Variants in ANKRD44 observed in about 807,000 individuals in gnomAD.
ANKRD44 encodes the protein serine/threonine-protein phosphatase 6 regulatory ankyrin repeat subunit B.
ANKRD44 carries 35 observed loss-of-function variants against 116.0 expected under a neutral mutation model. The ratio of observed to expected loss-of-function variants is 0.30; its 90% CI spans 0.23 to 0.40. ANKRD44 has a LOEUF of 0.40. ANKRD44 is among the 10% of genes least tolerant of loss of function. ANKRD44 has a pLI of 1.00. For missense variants in ANKRD44, 1,014 were observed against 1,242.6 expected (o/e 0.82, Z 2.77); for synonymous variants, 435 against 461.8 (o/e 0.94, Z 0.74).
intron 6 of ANKRD44, among the ~76,000 whole-genome samples, chr2:197,123,900 C>T (rs1053717839): frequency 2.0e-5 from 3 of 152,054 alleles, no homozygotes; most frequent in African/African-American, 7.2e-5. Flanking sequence ...AGCTATTTGC[C>T]CTGGTTTTGC....
At chr2:197,090,494 CT>C (rs372830692) in intron 10 of ANKRD44, among the ~76,000 whole-genome samples, 20,627 of 137,916 alleles carry the variant, frequency 0.15, 1,357 homozygotes, top group Non-Finnish European at 0.19. Context: ...TTTCTTTTCA[CT>C]TTTTTTTTTT....
chr2:197,077,464 C>T (rs529315049), intron 16 of ANKRD44, among the ~76,000 whole-genome samples: 4 of 152,238 alleles, frequency 2.6e-5, no homozygotes, highest in Non-Finnish European at 5.9e-5. Context: ...ATTTGTGGTT[C>T]CACTCCTAGG....
intron 25 of ANKRD44, among the ~76,000 whole-genome samples, chr2:196,997,274 T>C (rs2076029943): frequency 6.6e-6 from 1 of 151,978 alleles, no homozygotes; most frequent in Non-Finnish European, 1.5e-5. Context: ...AGGAGATGGG[T>C]TGAATAAAAG....
Position 196,987,955 on chromosome 2 carries a change from G to T in ANKRD44, c.*1636C>A. The stretch of plus-strand genomic sequence containing the variant: ...TTCTTTAAAAAAATTTTGCCTTGGG[G>T]TATGGGAGAAAGAGAAAGAGAGGAA... On this transcript the variant is annotated 3_prime_UTR_variant, in exon 28 of 28. Transcript: ENST00000282272. 2 of 985,260 alleles carry T rather than the reference G, an allele frequency of 2.0e-6. No individual in the cohort carries two copies. Among genetic ancestry groups the T allele is most frequent in the East Asian group, 2.3e-4 (2 of 8,810 alleles). 61.0% of individuals were successfully genotyped at this position (985,260 alleles called of 1,614,324 possible). A position where few individuals can be genotyped will look rare whatever the true frequency, so the allele number is the denominator to read the frequency against.
intron 20 of ANKRD44, 152 bp from the exon 21 acceptor site, chr2:197,006,062 G>A (rs2125908882): frequency 1.5e-6 from 1 of 674,820 alleles, no homozygotes; most frequent in Non-Finnish European, 2.5e-6. Context: ...CAGAAGGCAG[G>A]ACAACCTCAG....
At chr2:197,012,610 G>A (rs2076320055) in intron 18 of ANKRD44, among the ~76,000 whole-genome samples, 1 of 151,300 alleles carries the variant, frequency 6.6e-6, no homozygotes, top group African/African-American at 2.4e-5. Context: ...TTCAACCTCT[G>A]TATTGTTTTT....
At chr2:197,026,496 C>A (rs1022990609) in intron 16 of ANKRD44, among the ~76,000 whole-genome samples, 4 of 152,192 alleles carry the variant, frequency 2.6e-5, no homozygotes, top group African/African-American at 9.7e-5. Flanking sequence ...GGGCCAACAG[C>A]TGCCAAGACC....
chr2:197,010,837 T>C (rs1486599947), intron 18 of ANKRD44, among the ~76,000 whole-genome samples: 1 of 152,240 alleles, frequency 6.6e-6, no homozygotes, highest in African/African-American at 2.4e-5. Flanking sequence ...TCCTAAGAGC[T>C]GCATTTTACA....
At chr2:197,179,347 C>T (rs2080447957) in intron 2 of ANKRD44, among the ~76,000 whole-genome samples, 1 of 152,188 alleles carries the variant, frequency 6.6e-6, no homozygotes, top group Non-Finnish European at 1.5e-5. Flanking sequence ...ACTCCTACCA[C>T]CAAATCGCCC....
intron 18 of ANKRD44, among the ~76,000 whole-genome samples, 191 bp downstream of exon 18, chr2:197,013,320 T>A (rs1316137141): frequency 6.6e-6 from 1 of 152,218 alleles, no homozygotes; most frequent in Non-Finnish European, 1.5e-5. Context: ...CCAGAGCACC[T>A]GGCCAGAGAA....
At chr2:197,282,061 G>C (rs1271516840) in intron 1 of ANKRD44, among the ~76,000 whole-genome samples, 2 of 152,082 alleles carry the variant, frequency 1.3e-5, no homozygotes, top group African/African-American at 4.8e-5. Context: ...AGACCATCCT[G>C]GCTAACAAGG....
intron 9 of ANKRD44, among the ~76,000 whole-genome samples, 152 bp downstream of exon 9, chr2:197,110,612 AAC>A (rs1559070670): frequency 6.6e-6 from 1 of 152,212 alleles, no homozygotes; most frequent in Non-Finnish European, 1.5e-5. Context: ...ATGTCTGATG[AAC>A]AGTTTTTAGC....
At chr2:197,301,937 A>G (rs1255191615) in intron 1 of ANKRD44, among the ~76,000 whole-genome samples, 1 of 152,232 alleles carries the variant, frequency 6.6e-6, no homozygotes, top group Non-Finnish European at 1.5e-5. Context: ...CAGACAGGAA[A>G]TGTGGAGTGG....
At chr2:197,091,154 T>G (rs2078034602) in intron 10 of ANKRD44, among the ~76,000 whole-genome samples, 1 of 152,164 alleles carries the variant, frequency 6.6e-6, no homozygotes, top group African/African-American at 2.4e-5. Context: ...ACGGCAGACA[T>G]CAAAGCGCAC....
intron 1 of ANKRD44, among the ~76,000 whole-genome samples, chr2:197,288,032 A>AAAAG (rs1553550565): frequency 2.0e-5 from 3 of 151,202 alleles, no homozygotes; most frequent in Non-Finnish European, 4.4e-5. Flanking sequence ...AAAAAAAAAA[A>AAAAG]AAAAGAAAAA....
intron 21 of ANKRD44, among the ~76,000 whole-genome samples, chr2:196,970,671 C>T (rs1421272053): frequency 2.0e-4 from 31 of 151,894 alleles, no homozygotes; most frequent in Admixed American, 2.0e-3. Flanking sequence ...AAATTCAGAA[C>T]AAAAATTGCC....
chr2:197,015,803 G>T (rs971300513), intron 17 of ANKRD44: 30 of 484,608 alleles, frequency 6.2e-5, no homozygotes, highest in Non-Finnish European at 1.2e-4. Flanking sequence ...GGTGGTGGGG[G>T]ATATGGTGGT....
chr2:197,281,307 G>C (rs1424851545), intron 1 of ANKRD44, among the ~76,000 whole-genome samples: 2 of 152,010 alleles, frequency 1.3e-5, no homozygotes, highest in African/African-American at 4.8e-5. Flanking sequence ...ATTCCATTAA[G>C]GCATCCTGCT....
At chr2:196,968,425 A>G (rs1405215778) in intron 21 of ANKRD44, among the ~76,000 whole-genome samples, 2 of 152,186 alleles carry the variant, frequency 1.3e-5, no homozygotes, top group Non-Finnish European at 2.9e-5. Flanking sequence ...AGTTTGTGAC[A>G]GTGTATAATA....
Sources: gnomAD v4.1 joint callset for allele counts (sites outside exome capture counted in the v4.1 genomes callset) on GRCh38, gnomAD v4.1.1 for gene constraint, MANE v1.5 for transcripts, NCBI Gene and HGNC (gene_info 2026-07-23, HGNC 2026-07-21) for gene names.